The following FBXO25 variants were observed in gnomAD, a reference collection of about 807,000 sequenced individuals.
FBXO25 encodes F-box only protein 25.
Under a neutral mutation model 51.9 loss-of-function variants are expected in FBXO25, and 45 were observed. The observed-to-expected ratio is 0.87, with a 90% CI of 0.68 to 1.11. FBXO25 has a LOEUF of 1.11. Ranked by LOEUF, FBXO25 falls within the 50% of genes most tolerant of loss-of-function variation. FBXO25 has a pLI of 0.00. For synonymous variants in FBXO25, 199 were observed against 151.0 expected (o/e 1.32, Z -2.33); for missense variants, 507 against 428.5 (o/e 1.18, Z -1.62).
At chr8:455,883 G>A (rs1799394435) in intron 7 of FBXO25, among the ~76,000 whole-genome samples, 1 of 152,240 alleles carries the variant, frequency 6.6e-6, no homozygotes, top group African/African-American at 2.4e-5. Context: ...GATGAGAAGT[G>A]CTGGCATTTC....
In FBXO25 at chr8:476,860, CTTCT is replaced by C. The variant is rs1455624716; in HGVS notation, c.*8059_*8062del. On this transcript the variant is annotated 3_prime_UTR_variant, in exon 10 of 10. Transcript: ENST00000350302. ...TTCTGCTGGCTTTGGGTTGATTGCTCTTCTTTTTCTAGTTCTTTCAGATGTAAAT... is the reference window on the plus strand; with the variant it reads ...TTCTGCTGGCTTTGGGTTGATTGCTCTTTTCTAGTTCTTTCAGATGTAAAT... 1 of 152,008 alleles carries C rather than the reference CTTCT, an allele frequency of 6.6e-6. No homozygotes were observed. The allele number at this position is 152,008 out of a possible 1,614,324, so 9.4% of individuals were successfully genotyped here.
chr8:448,304 C>T (rs1798861094), intron 5 of FBXO25, among the ~76,000 whole-genome samples: 1 of 152,140 alleles, frequency 6.6e-6, no homozygotes, highest in Non-Finnish European at 1.5e-5. Context: ...TATGAGTGTG[C>T]CATATCCTAC....
intron 1 of FBXO25, among the ~76,000 whole-genome samples, chr8:409,054 A>G (rs1272222308): frequency 1.3e-5 from 2 of 152,218 alleles, no homozygotes; most frequent in East Asian, 1.9e-4. Flanking sequence ...GTGGGTCATC[A>G]TCATTCTATA....
chr8:432,497 G>A (rs1797875535), intron 3 of FBXO25, among the ~76,000 whole-genome samples: 2 of 152,192 alleles, frequency 1.3e-5, no homozygotes, highest in Non-Finnish European at 2.9e-5. Flanking sequence ...TGTGATTCTT[G>A]AAACTTTTAA....
chr8:453,844 C>CG (rs1033241519), intron 7 of FBXO25, among the ~76,000 whole-genome samples: 1 of 152,048 alleles, frequency 6.6e-6, no homozygotes, highest in African/African-American at 2.4e-5. Flanking sequence ...CACCCCTGGC[C>CG]GGGCGCGGTG....
intron 1 of FBXO25, among the ~76,000 whole-genome samples, chr8:407,847 C>G (rs570641021): frequency 4.1e-4 from 62 of 152,208 alleles, no homozygotes; most frequent in South Asian, 2.7e-3. Flanking sequence ...GCATCCTTCC[C>G]CTCACAGTAA....
At chr8:460,929 G>T (rs1229903450) in intron 8 of FBXO25, among the ~76,000 whole-genome samples, 3 of 152,182 alleles carry the variant, frequency 2.0e-5, no homozygotes, top group African/African-American at 7.2e-5. Context: ...ACTGAAGTAT[G>T]AGTATGTTAT....
intron 5 of FBXO25, among the ~76,000 whole-genome samples, chr8:445,468 C>T (rs1251077353): frequency 5.9e-5 from 9 of 152,122 alleles, no homozygotes; most frequent in Admixed American, 4.6e-4. Context: ...CTGAGGACCC[C>T]AAAGAGATTT....
intron 2 of FBXO25, among the ~76,000 whole-genome samples, chr8:419,327 T>C (rs1158825214): frequency 6.6e-6 from 1 of 152,118 alleles, no homozygotes; most frequent in Non-Finnish European, 1.5e-5. Flanking sequence ...AGAGATCCTG[T>C]CATTGCACTC....
chr8:434,442 A>C, intron 4 of FBXO25, among the ~76,000 whole-genome samples: 1 of 152,202 alleles, frequency 6.6e-6, no homozygotes, highest in East Asian at 1.9e-4. Flanking sequence ...TTCCCAGGAA[A>C]ATGTTTTCCA....
chr8:425,528 G>A (rs1416580151), intron 2 of FBXO25, among the ~76,000 whole-genome samples: 2 of 150,632 alleles, frequency 1.3e-5, no homozygotes, highest in Non-Finnish European at 3.0e-5. Flanking sequence ...GCTTTTATTT[G>A]TAATAATTCC....
chr8:437,453 C>T (rs1161114042), intron 5 of FBXO25, among the ~76,000 whole-genome samples: 2 of 152,344 alleles, frequency 1.3e-5, no homozygotes, highest in Admixed American at 6.5e-5. Flanking sequence ...CCTTGCTTGG[C>T]TCATCTGTGC....
At chr8:433,268 G>T (rs1439300961) in intron 4 of FBXO25, among the ~76,000 whole-genome samples, 3 of 150,926 alleles carry the variant, frequency 2.0e-5, no homozygotes, top group African/African-American at 5.0e-5. Context: ...GATGTATGGT[G>T]TGTGGTGGCA....
intron 4 of FBXO25, among the ~76,000 whole-genome samples, chr8:433,530 T>C (rs976212608): frequency 6.6e-6 from 1 of 152,184 alleles, no homozygotes; most frequent in Non-Finnish European, 1.5e-5. Context: ...TGTGCAGAGC[T>C]GTGTGAACTC....
intron 1 of FBXO25, among the ~76,000 whole-genome samples, chr8:409,942 C>T (rs1224164382): frequency 6.6e-6 from 1 of 152,130 alleles, no homozygotes; most frequent in Non-Finnish European, 1.5e-5. Context: ...AAACTTTCTC[C>T]ATTTTATCCC....
At position 451,290 on chromosome 8, in the gene FBXO25, C is replaced by T. The variant is rs769141075; in HGVS notation, c.497C>T (p.Pro166Leu). ...CCAGTTCTTGATGACCACCACAATC[C>T]TCGCTTAATCAAAGATCTTCTGCAA... ...VQKVLDDHHN[P>L]RLIKDLLQDL... The change falls in exon 7 of 10, where the codon CCT becomes CTT. Residue 166 changes from proline (P) to leucine (L), a missense_variant. By Grantham distance (98) the Pro-to-Leu change is moderately conservative. Transcript: ENST00000350302. The T allele has an allele frequency of 6.2e-7, 1 of 1,608,286 alleles. No homozygotes were observed. The highest frequency in any genetic ancestry group is 1.3e-5 in the African/African-American group (1 of 74,666).
chr8:422,362 C>G (rs1375532169), intron 2 of FBXO25, among the ~76,000 whole-genome samples: 1 of 152,210 alleles, frequency 6.6e-6, no homozygotes, highest in African/African-American at 2.4e-5. Context: ...GACGGACATT[C>G]TACAAAATAA....
At chr8:448,962 C>A (rs563419031) in intron 5 of FBXO25, among the ~76,000 whole-genome samples, 7 of 152,178 alleles carry the variant, frequency 4.6e-5, no homozygotes, top group African/African-American at 1.7e-4. Flanking sequence ...TTCAGAAGAA[C>A]TACAGAGAGA....
rs987796697 is a variant in FBXO25, at chr8:473,061, T to C, written c.*4257T>C. 2.6e-5 allele frequency: 4 copies of C among 152,468 alleles called. No homozygotes were observed. Among genetic ancestry groups the C allele is most frequent in the Non-Finnish European group, 5.9e-5 (4 of 68,212 alleles). 9.4% of individuals were successfully genotyped at this position (152,468 alleles called of 1,614,324 possible). A position where few individuals can be genotyped will look rare whatever the true frequency, so the allele number is the denominator to read the frequency against. ...CAGCACCAGCCATTGGGGCCCTCTA[T>C]GGCTGACACCAGCATCCACCCTGCA... is the stretch of plus-strand genomic sequence containing the variant. On this transcript the variant is annotated 3_prime_UTR_variant, in exon 10 of 10. Coordinates refer to ENST00000350302, the MANE Select transcript of FBXO25 (RefSeq NM_183420.2).
Sources: allele counts gnomAD v4.1 joint callset (sites outside exome capture counted in the v4.1 genomes callset), GRCh38; gene constraint gnomAD v4.1.1; transcripts MANE v1.5; gene names NCBI Gene and HGNC (gene_info 2026-07-23, HGNC 2026-07-21).